The following ZC3H12D variants were observed in gnomAD, a reference collection of about 807,000 sequenced individuals.
The protein encoded by ZC3H12D is probable ribonuclease ZC3H12D.
In ZC3H12D, 11 loss-of-function variants were observed where a neutral mutation model predicts 24.2. The ratio of observed to expected loss-of-function variants is 0.46; its 90% CI spans 0.29 to 0.75. The LOEUF (loss-of-function observed/expected upper bound fraction) is 0.75. ZC3H12D is among the 30% of genes least tolerant of loss of function. The pLI is 0.11. For missense variants in ZC3H12D, 740 were observed against 767.7 expected (o/e 0.96, Z 0.43); for synonymous variants, 333 against 341.8 (o/e 0.97, Z 0.28).
chr6:149,461,572 T>C (rs1480806889), intron 3 of ZC3H12D: 1 of 268,386 alleles, frequency 3.7e-6, no homozygotes, highest in Admixed American at 5.0e-5. Context: ...GAGTAGTTTG[T>C]TCATTCATCT....
At position 149,465,380 on chromosome 6, in the gene ZC3H12D, A is replaced by G. The variant is rs552772434; in HGVS notation, c.306-3410T>C. Among the ~76,000 whole-genome samples, 36 of 151,280 alleles carry G rather than the reference A, an allele frequency of 2.4e-4. No homozygotes were observed. The East Asian group carries it at 6.9e-3, about 29-fold the overall frequency. ...AAAAAAAAAAAAAAATGAAGAAGAT[A>G]AATATCCCTTTCGCTACTGAGGCTG... is the stretch of plus-strand genomic sequence containing the variant. On this transcript the variant is annotated intron_variant, in intron 2 of 5. Transcript: ENST00000409806.
chr6:149,455,273 C>G (rs1360507592), intron 4 of ZC3H12D, among the ~76,000 whole-genome samples: 2 of 152,212 alleles, frequency 1.3e-5, no homozygotes, highest in African/African-American at 2.4e-5. Flanking sequence ...CCTTCCCCAG[C>G]CATAGCCATT....
At chr6:149,453,298 T>C (rs1321170082) in intron 4 of ZC3H12D, among the ~76,000 whole-genome samples, 2 of 146,524 alleles carry the variant, frequency 1.4e-5, no homozygotes, top group Non-Finnish European at 3.0e-5. Context: ...AGATCCTGGC[T>C]AAAAAAAAAA....
At chr6:149,479,107 C>T (rs1326455622) in intron 1 of ZC3H12D, among the ~76,000 whole-genome samples, 2 of 152,216 alleles carry the variant, frequency 1.3e-5, no homozygotes, top group Admixed American at 1.3e-4. Flanking sequence ...TGCCTGTAAT[C>T]CCAGCACTTT....
chr6:149,469,207 C>T (rs1031475648), intron 2 of ZC3H12D, among the ~76,000 whole-genome samples: 1 of 152,184 alleles, frequency 6.6e-6, no homozygotes, highest in African/African-American at 2.4e-5. Flanking sequence ...CCTGTAATCC[C>T]AGCACTTTGG....
chr6:149,456,627 CG>C lies in ZC3H12D; in HGVS notation c.680+38del. 106 of 1,402,746 alleles carry C rather than the reference CG, an allele frequency of 7.6e-5. No homozygotes were observed. Among genetic ancestry groups the C allele is most frequent in the Non-Finnish European group, 9.4e-5 (94 of 997,420 alleles). 86.9% of individuals were successfully genotyped at this position (1,402,746 alleles called of 1,614,324 possible). ...CTGCCTCGACCCCGGCCCCCCGCCC[CG>C]CCGCCCCCCAGGGTGTCAGGACCCC... On this transcript the variant is annotated intron_variant, in intron 4 of 5. Transcript: ENST00000409806. This position sits in a 1 kb window ranked among gnomAD's most constrained non-coding sequence, Gnocchi z 4.3.
At chr6:149,470,483 C>T (rs565655142) in intron 2 of ZC3H12D, among the ~76,000 whole-genome samples, 2 of 151,572 alleles carry the variant, frequency 1.3e-5, no homozygotes, top group Admixed American at 1.3e-4. Context: ...TGCAGAGAGC[C>T]GAGATTGGAC....
chr6:149,471,277 T>G (rs932729304), intron 2 of ZC3H12D, among the ~76,000 whole-genome samples: 2 of 152,208 alleles, frequency 1.3e-5, no homozygotes, highest in African/African-American at 4.8e-5. Context: ...CCACAGAAAC[T>G]TCTACCTATT....
intron 1 of ZC3H12D, among the ~76,000 whole-genome samples, chr6:149,481,376 A>ATTT (rs759834200): frequency 7.0e-6 from 1 of 142,648 alleles, no homozygotes; most frequent in African/African-American, 2.6e-5. Context: ...GTGGCTTAGC[A>ATTT]TTTTTTTTTT....
intron 1 of ZC3H12D, among the ~76,000 whole-genome samples, chr6:149,474,946 T>G (rs1776312067): frequency 6.6e-6 from 1 of 150,714 alleles, no homozygotes; most frequent in Admixed American, 6.6e-5. Flanking sequence ...GGGGGCTGAA[T>G]AGTGACCTCC....
Position 149,450,733 on chromosome 6 carries a change from G to T in ZC3H12D, c.1534C>A (p.Leu512Ile). ...PELSDLARLILLVQRCQSAGA... is the reference protein window; with the variant it reads ...PELSDLARLIILVQRCQSAGA... The stretch of plus-strand genomic sequence containing the variant: ...GCGCTCTGGCATCTCTGTACCAGGA[G>T]GATGAGCCTGGCGAGGTCTGAGAGC... Residue 512 changes from leucine to isoleucine, a missense_variant, in exon 6 of 6, where the codon CTC becomes ATC. Coordinates refer to ENST00000409806, the MANE Select transcript of ZC3H12D (RefSeq NM_207360.3). The T allele has an allele frequency of 6.5e-7, 1 of 1,548,302 alleles. No homozygotes were observed.
intron 2 of ZC3H12D, among the ~76,000 whole-genome samples, chr6:149,469,437 G>C (rs892462412): frequency 1.3e-5 from 2 of 151,668 alleles, no homozygotes; most frequent in African/African-American, 2.4e-5. Flanking sequence ...CAGCCTGGGC[G>C]ACAGAGCGAG....
chr6:149,479,414 A>G (rs1776389774), intron 1 of ZC3H12D, among the ~76,000 whole-genome samples: 1 of 152,158 alleles, frequency 6.6e-6, no homozygotes, highest in South Asian at 2.1e-4. Context: ...TGTTCTCAGC[A>G]CTGTGTTTCT....
chr6:149,473,436 C>G (rs1776277758), intron 2 of ZC3H12D, among the ~76,000 whole-genome samples: 1 of 152,210 alleles, frequency 6.6e-6, no homozygotes, highest in African/African-American at 2.4e-5. Context: ...TGTAACAAAG[C>G]CAAGCGGTAG....
intron 2 of ZC3H12D, among the ~76,000 whole-genome samples, chr6:149,463,477 G>A (rs1179507217): frequency 3.3e-5 from 5 of 152,230 alleles, no homozygotes; most frequent in South Asian, 2.1e-4. Flanking sequence ...TTGTGAGGCC[G>A]AGGCAGGTGG....
At chr6:149,460,122 T>C (rs1776048369) in intron 3 of ZC3H12D, among the ~76,000 whole-genome samples, 2 of 152,234 alleles carry the variant, frequency 1.3e-5, no homozygotes. Context: ...CGTACAATTA[T>C]GTACAGCACA....
Position 149,451,318 on chromosome 6 carries a change from C to T in ZC3H12D, c.949G>A (p.Gly317Arg). The change falls in exon 6 of 6, where the codon GGA becomes AGA. Residue 317 changes from glycine to arginine, a missense_variant. By Grantham distance (125) the Gly-to-Arg change is moderately radical. Coordinates refer to ENST00000409806, the MANE Select transcript of ZC3H12D (RefSeq NM_207360.3). ...GGTTCCCGGGGGGCCGCCCGGGCTCCTGCGGAGCCGCCCGGGGCTCTCGGT... is the reference window on the plus strand; with the variant it reads ...GGTTCCCGGGGGGCCGCCCGGGCTCTTGCGGAGCCGCCCGGGGCTCTCGGT... Reference protein sequence around the residue: ...RPPRAPGGSAGARAAPREPFA... With the variant: ...RPPRAPGGSARARAAPREPFA... 7.4e-7 allele frequency: 1 copy of T among 1,356,944 alleles called. No homozygotes were observed. The highest frequency in any genetic ancestry group is 1.8e-5 in the South Asian group (1 of 54,318). 84.1% of individuals were successfully genotyped at this position (1,356,944 alleles called of 1,614,324 possible).
At chr6:149,455,923 C>G (rs1458696774) in intron 4 of ZC3H12D, among the ~76,000 whole-genome samples, 1 of 148,596 alleles carries the variant, frequency 6.7e-6, no homozygotes, top group African/African-American at 2.5e-5. Context: ...AATCTGTTGC[C>G]TACTCCCATA....
In ZC3H12D at chr6:149,450,656, C is replaced by G. The variant is rs1775873406; in HGVS notation, c.*27G>C. On this transcript the variant is annotated 3_prime_UTR_variant, in exon 6 of 6. Coordinates refer to ENST00000409806, the MANE Select transcript of ZC3H12D (RefSeq NM_207360.3). ...TCCAAGACGCAAGGCGAGGCTGGGC[C>G]ATTCCCTGCAAGTGCGTGTTGGTCC... 8.1e-6 allele frequency: 12 copies of G among 1,488,310 alleles called. No homozygotes were observed. Among genetic ancestry groups the G allele is most frequent in the Non-Finnish European group, 1.1e-5 (12 of 1,115,750 alleles). 92.2% of individuals were successfully genotyped at this position (1,488,310 alleles called of 1,614,324 possible).
Sources: gnomAD v4.1 joint callset for allele counts (sites outside exome capture counted in the v4.1 genomes callset) on GRCh38, gnomAD v4.1.1 for gene constraint, Gnocchi (gnomAD v3.1) non-coding constraint, MANE v1.5 for transcripts, NCBI Gene and HGNC (gene_info 2026-07-23, HGNC 2026-07-21) for gene names.